Variants in CROCC2 observed in about 807,000 individuals in gnomAD.
CROCC2 encodes ciliary rootlet coiled-coil protein 2.
In CROCC2, 163 loss-of-function variants were observed where a neutral mutation model predicts 177.6. That is an observed-to-expected ratio of 0.92 (90% CI 0.81 to 1.05). The LOEUF is 1.05. Among genes scored for constraint, CROCC2 ranks in the 50% least tolerant of loss-of-function variants. The pLI, the probability that CROCC2 is intolerant of heterozygous loss-of-function variation, is 0.00. For missense variants in CROCC2, 1,929 were observed against 1,797.8 expected, an observed-to-expected ratio of 1.07 and a Z score of -1.32; for synonymous variants, 904 against 787.3, an observed-to-expected ratio of 1.15 and a Z score of -2.48.
chr2:240,949,126 T>C lies in CROCC2; in HGVS notation c.2482+29T>C. 2 of 1,496,538 alleles carry C rather than the reference T, an allele frequency of 1.3e-6. No individual in the cohort carries two copies. The highest frequency in any genetic ancestry group is 1.8e-6 in the Non-Finnish European group (2 of 1,124,302). The allele number at this position is 1,496,538 out of a possible 1,614,324, so 92.7% of individuals were successfully genotyped here. On this transcript the variant is annotated intron_variant, in intron 16 of 31. Coordinates refer to ENST00000690015, the MANE Select transcript of CROCC2 (RefSeq NM_001351305.2). This position sits in a 1 kb window ranked among gnomAD's most constrained non-coding sequence, Gnocchi z 4.5. ...CTCCAAGGGCGCTCCCTCAGCTCCTTCCCCGAAAGTCAGCCATGGAGGGGC... is the reference window on the plus strand; with the variant it reads ...CTCCAAGGGCGCTCCCTCAGCTCCTCCCCCGAAAGTCAGCCATGGAGGGGC...
intron 7 of CROCC2, 46 bp downstream of exon 7, chr2:240,931,174 G>T: frequency 1.5e-6 from 1 of 671,292 alleles, no homozygotes; most frequent in Non-Finnish European, 2.8e-6. Flanking sequence ...GGCCCGGGGG[G>T]TCGGGGCCCA....
chr2:240,961,058 C>A (rs968669068), intron 20 of CROCC2, among the ~76,000 whole-genome samples: 3 of 151,042 alleles, frequency 2.0e-5, no homozygotes, highest in Non-Finnish European at 4.4e-5. Flanking sequence ...GGAGTGGGGG[C>A]TAAAAGCTGA....
intron 15 of CROCC2, among the ~76,000 whole-genome samples, 195 bp from the exon 16 acceptor site, chr2:240,948,784 A>C (rs2059537420): frequency 6.6e-6 from 1 of 152,220 alleles, no homozygotes; most frequent in African/African-American, 2.4e-5. Context: ...TTTTCATGAC[A>C]TGAGAATAGA....
chr2:240,927,976 T>C (rs2059404596), intron 5 of CROCC2, among the ~76,000 whole-genome samples: 1 of 152,256 alleles, frequency 6.6e-6, no homozygotes, highest in Non-Finnish European at 1.5e-5. Context: ...TCAAGCCTTT[T>C]ATTTATTTGT....
chr2:240,961,303 G>C (rs1044314706), intron 20 of CROCC2, among the ~76,000 whole-genome samples: 3 of 152,018 alleles, frequency 2.0e-5, no homozygotes, highest in Non-Finnish European at 4.4e-5. Context: ...ACTCAGAGTG[G>C]TGTGTGCATG....
intron 18 of CROCC2, among the ~76,000 whole-genome samples, chr2:240,954,369 C>A (rs946948671): frequency 4.3e-4 from 65 of 152,216 alleles, no homozygotes; most frequent in Non-Finnish European, 8.2e-4. Flanking sequence ...CACCTGACTA[C>A]AAGTGTGGGG....
chr2:240,929,760 G>T, intron 5 of CROCC2: 2 of 468,874 alleles, frequency 4.3e-6, no homozygotes, highest in South Asian at 3.1e-5. Context: ...GGCAGGGCAG[G>T]AGCCCTGTGC....
intron 28 of CROCC2, 53 bp from the exon 29 acceptor site, chr2:240,988,686 G>T: frequency 7.5e-7 from 1 of 1,330,020 alleles, no homozygotes; most frequent in Non-Finnish European, 9.7e-7. Flanking sequence ...GGGCTGGCCT[G>T]ACCTCACTCC....
intron 1 of CROCC2, among the ~76,000 whole-genome samples, chr2:240,916,800 C>T (rs1417606226): frequency 6.6e-6 from 1 of 152,178 alleles, no homozygotes; most frequent in Non-Finnish European, 1.5e-5. Flanking sequence ...GAGCCCTTCC[C>T]AGTCTGGGGG....
At chr2:240,954,191 T>C (rs1310979288) in intron 18 of CROCC2, among the ~76,000 whole-genome samples, 2 of 152,220 alleles carry the variant, frequency 1.3e-5, no homozygotes, top group African/African-American at 4.8e-5. Flanking sequence ...TCCCCTTCAC[T>C]AGGCCACTCA....
intron 27 of CROCC2, among the ~76,000 whole-genome samples, chr2:240,974,743 C>G (rs2059747818): frequency 6.6e-6 from 1 of 152,108 alleles, no homozygotes; most frequent in South Asian, 2.1e-4. Flanking sequence ...TGGGCTTTCT[C>G]TTTAATAGTA....
intron 27 of CROCC2, among the ~76,000 whole-genome samples, chr2:240,971,005 C>T (rs544689288): frequency 1.1e-4 from 17 of 152,290 alleles, no homozygotes; most frequent in African/African-American, 3.9e-4. Flanking sequence ...CCCAGCGTGG[C>T]GAGTCCAGCT....
intron 9 of CROCC2, 103 bp from the exon 10 acceptor site, chr2:240,933,028 A>G: frequency 1.4e-6 from 2 of 1,446,776 alleles, no homozygotes; most frequent in South Asian, 2.4e-5. Context: ...GAGGGGCCCC[A>G]GTGTCGGGGG....
At chr2:240,992,935 A>G (rs1339474125) in intron 31 of CROCC2, 131 bp from the exon 32 acceptor site, 1 of 627,644 alleles carries the variant, frequency 1.6e-6, no homozygotes, top group Admixed American at 2.4e-5. Flanking sequence ...GGCGGGAGGG[A>G]GGAACAGAAG....
intron 19 of CROCC2, chr2:240,956,281 G>A (rs2059589488): frequency 9.3e-6 from 4 of 428,374 alleles, no homozygotes; most frequent in Admixed American, 3.5e-5. Flanking sequence ...GCCAACAGCA[G>A]CGAGTGGCTG....
At chr2:240,944,456 C>T (rs1185960888) in intron 14 of CROCC2, among the ~76,000 whole-genome samples, 1 of 152,152 alleles carries the variant, frequency 6.6e-6, no homozygotes, top group African/African-American at 2.4e-5. Flanking sequence ...TTTAGCTTGT[C>T]CTATATGTCT....
rs559217255 is a variant in CROCC2 at position 240,933,615 on chromosome 2, C to T, written c.1464-55C>T. On this transcript the variant is annotated intron_variant, in intron 10 of 31. Transcript: ENST00000690015. The stretch of plus-strand genomic sequence containing the variant: ...AGCCCCCAATGCCCACCAAGGCACG[C>T]GGTGCACCTTGAATGTGTCCAGGGC... 3.2e-4 allele frequency: 482 copies of T among 1,518,934 alleles called. 4 individuals are homozygous for T. The South Asian group carries it at 5.5e-3, about 17-fold the overall frequency. The allele number at this position is 1,518,934 out of a possible 1,614,324, so 94.1% of individuals were successfully genotyped here. A position where few individuals can be genotyped will look rare whatever the true frequency, so the allele number is the denominator to read the frequency against.
At position 240,965,373 on chromosome 2, in the gene CROCC2, G is replaced by T. The variant is rs561753465; in HGVS notation, c.3466-8G>T. 3 of 1,549,120 alleles carry T rather than the reference G, an allele frequency of 1.9e-6. No individual in the cohort carries two copies. The highest frequency in any genetic ancestry group is 3.9e-5 in the Admixed American group (2 of 50,990). Reference sequence around the variant, plus strand: ...AGTGACCCTGTCCGTGCGGCCCCACGCTCCCAGGTGAGGACACTGAAGGCC... The same window carrying T: ...AGTGACCCTGTCCGTGCGGCCCCACTCTCCCAGGTGAGGACACTGAAGGCC... On this transcript the variant is annotated splice_region_variant and splice_polypyrimidine_tract_variant and intron_variant, in intron 22 of 31. Transcript: ENST00000690015.
chr2:240,919,036 CT>C (rs2059339581), intron 2 of CROCC2, among the ~76,000 whole-genome samples, 160 bp downstream of exon 2: 1 of 35,668 alleles, frequency 2.8e-5, no homozygotes, highest in African/African-American at 7.9e-5. Flanking sequence ...GGGCCCGGGG[CT>C]GGGCAAGGTG....
Sources: gnomAD v4.1 joint callset for allele counts (sites outside exome capture counted in the v4.1 genomes callset) on GRCh38, gnomAD v4.1.1 for gene constraint, Gnocchi (gnomAD v3.1) non-coding constraint, MANE v1.5 for transcripts, NCBI Gene and HGNC (gene_info 2026-07-23, HGNC 2026-07-21) for gene names.